Variants in CAMTA1 observed in about 807,000 individuals in gnomAD.
CAMTA1 encodes the protein calmodulin binding transcription activator 1, also known as calmodulin-binding transcription activator 1.
Under a neutral mutation model 170.9 loss-of-function variants are expected in CAMTA1, and 27 were observed. The observed-to-expected ratio is 0.16, with a 90% CI of 0.12 to 0.22. CAMTA1 has a LOEUF of 0.22. Among genes scored for constraint, CAMTA1 ranks in the 10% least tolerant of loss-of-function variants. CAMTA1 has a pLI of 1.00. For missense variants in CAMTA1, 1,619 were observed against 2,217.2 expected, an observed-to-expected ratio of 0.73 and a Z score of 5.42; for synonymous variants, 833 against 891.5, an observed-to-expected ratio of 0.93 and a Z score of 1.17.
At chr1:7,039,565 C>T (rs551656630) in intron 3 of CAMTA1, among the ~76,000 whole-genome samples, 2 of 152,210 alleles carry the variant, frequency 1.3e-5, no homozygotes, top group East Asian at 1.9e-4. Flanking sequence ...ATTTGGAAGA[C>T]GTGTAGGTAT....
In CAMTA1 at chr1:6,932,645, C is replaced by T. The variant is rs377430094; in HGVS notation, c.234+107435C>T. ...GAGAGTTCCAGTTTCTCTACATCCGCGCCAACCCTTCCTACGGTCAGTCTT... is the reference window on the plus strand; with the variant it reads ...GAGAGTTCCAGTTTCTCTACATCCGTGCCAACCCTTCCTACGGTCAGTCTT... On this transcript the variant is annotated intron_variant, in intron 3 of 22. Coordinates refer to ENST00000303635, the MANE Select transcript of CAMTA1 (RefSeq NM_015215.4). 8.9e-4 allele frequency among the ~76,000 whole-genome samples: 136 copies of T among 152,328 alleles called. 2 individuals are homozygous for T. The South Asian group carries it at 0.025, about 29-fold the overall frequency.
At chr1:7,060,373 C>T (rs1005143857) in intron 3 of CAMTA1, among the ~76,000 whole-genome samples, 2 of 152,214 alleles carry the variant, frequency 1.3e-5, no homozygotes, top group African/African-American at 4.8e-5. Context: ...GTCCTCATCT[C>T]CTCTTCTTGT....
rs1435242424 is a variant in CAMTA1, at chr1:7,216,989, C to T, written c.303-32502C>T. On this transcript the variant is annotated intron_variant, in intron 4 of 22. Transcript: ENST00000303635. The surrounding 1 kb of genome is among the most constrained non-coding windows in gnomAD (Gnocchi z 4.0). ...ATTGCAATACTTGTTTTGTTATTTC[C>T]ATTTGCCTCATATGTCTTTGCCATC... Among the ~76,000 whole-genome samples the T allele has an allele frequency of 6.6e-6, 1 of 152,076 alleles. No individual in the cohort carries two copies. Among genetic ancestry groups the T allele is most frequent in the Non-Finnish European group, 1.5e-5 (1 of 68,028 alleles).
chr1:7,236,737 C>T (rs1316315029), intron 4 of CAMTA1, among the ~76,000 whole-genome samples: 2 of 152,250 alleles, frequency 1.3e-5, no homozygotes, highest in Non-Finnish European at 2.9e-5. Context: ...CAGCTCTTCT[C>T]ATGGTCGCAG....
rs774663649 is a variant in CAMTA1 at position 7,106,442 on chromosome 1, C to G, written c.302+15071C>G. 5.9e-5 allele frequency among the ~76,000 whole-genome samples: 9 copies of G among 152,102 alleles called. 1 individual carries two copies. Among genetic ancestry groups the G allele is most frequent in the Admixed American group, 3.3e-4 (5 of 15,264 alleles). On this transcript the variant is annotated intron_variant, in intron 4 of 22. Coordinates refer to ENST00000303635, the MANE Select transcript of CAMTA1 (RefSeq NM_015215.4). ...TTTCTTTCTCCTGTCCGGCCACTTC[C>G]CTCCACTCACGGATGAGGAAACTGA... is the stretch of plus-strand genomic sequence containing the variant.
At chr1:6,866,425 C>G (rs1451157376) in intron 3 of CAMTA1, among the ~76,000 whole-genome samples, 1 of 152,134 alleles carries the variant, frequency 6.6e-6, no homozygotes, top group East Asian at 1.9e-4. Context: ...CCTGGTATGC[C>G]TGGCTAGTAA....
intron 5 of CAMTA1, among the ~76,000 whole-genome samples, chr1:7,439,459 C>T (rs1331003387): frequency 6.6e-6 from 1 of 152,206 alleles, no homozygotes; most frequent in Admixed American, 6.5e-5. Flanking sequence ...CCACTCCTGC[C>T]TCACTGCGAC....
At chr1:7,006,137 C>T (rs950620103) in intron 3 of CAMTA1, among the ~76,000 whole-genome samples, 3 of 152,170 alleles carry the variant, frequency 2.0e-5, no homozygotes, top group African/African-American at 7.2e-5. Context: ...CTTCGTAGAC[C>T]TGCCCATAGT....
chr1:6,796,608 T>C (rs1434450394), intron 1 of CAMTA1, among the ~76,000 whole-genome samples: 3 of 152,232 alleles, frequency 2.0e-5, no homozygotes, highest in Non-Finnish European at 4.4e-5. Context: ...AATAACTTCA[T>C]TGTTTGATAC....
chr1:6,786,804 A>G (rs988276711), intron 1 of CAMTA1, among the ~76,000 whole-genome samples: 1 of 152,142 alleles, frequency 6.6e-6, no homozygotes, highest in East Asian at 1.9e-4. Flanking sequence ...GGGCGCCCCA[A>G]TAAGATGTAG....
intron 3 of CAMTA1, among the ~76,000 whole-genome samples, chr1:6,903,561 A>C (rs1677608667): frequency 6.6e-6 from 1 of 152,242 alleles, no homozygotes; most frequent in African/African-American, 2.4e-5. Flanking sequence ...TTACTGAAGC[A>C]CGAGGAAAGA....
At chr1:6,804,684 T>C (rs1284712122) in intron 1 of CAMTA1, among the ~76,000 whole-genome samples, 1 of 152,216 alleles carries the variant, frequency 6.6e-6, no homozygotes, top group Non-Finnish European at 1.5e-5. Flanking sequence ...GTATGTAGCA[T>C]GTACTGTTAC....
At chr1:7,364,916 G>C (rs988301016) in intron 5 of CAMTA1, among the ~76,000 whole-genome samples, 2 of 152,250 alleles carry the variant, frequency 1.3e-5, no homozygotes, top group Non-Finnish European at 2.9e-5. Flanking sequence ...CTGTCAAACT[G>C]CTTTCTCAGA....
chr1:7,043,481 A>C (rs1197649384), intron 3 of CAMTA1, among the ~76,000 whole-genome samples: 2 of 152,200 alleles, frequency 1.3e-5, no homozygotes, highest in Non-Finnish European at 2.9e-5. Flanking sequence ...CGGGTGCTTA[A>C]AAGCACAGGG....
chr1:7,009,383 G>T (rs960123477), intron 3 of CAMTA1, among the ~76,000 whole-genome samples: 1 of 152,194 alleles, frequency 6.6e-6, no homozygotes, highest in Non-Finnish European at 1.5e-5. Context: ...TCCTCCTGGG[G>T]CAGTGTGGTT....
rs1341268901 is a variant in CAMTA1 at position 7,041,579 on chromosome 1, G to A, written c.235-49725G>A. On this transcript the variant is annotated intron_variant, in intron 3 of 22. Transcript: ENST00000303635. The surrounding 1 kb of genome is among the most constrained non-coding windows in gnomAD (Gnocchi z 5.1). Reference sequence around the variant, plus strand: ...GCTGAAAAGACAGTTCTGTAGAAATGTGAAACATTATTATGTTATAGAATA... The same window carrying A: ...GCTGAAAAGACAGTTCTGTAGAAATATGAAACATTATTATGTTATAGAATA... Among the ~76,000 whole-genome samples, 1 of 152,212 alleles carries A rather than the reference G, an allele frequency of 6.6e-6. No individual in the cohort carries two copies. The highest frequency in any genetic ancestry group is 1.5e-5 in the Non-Finnish European group (1 of 68,038).
chr1:7,379,552 C>T (rs899219298), intron 5 of CAMTA1, among the ~76,000 whole-genome samples: 6 of 152,216 alleles, frequency 3.9e-5, no homozygotes, highest in African/African-American at 1.4e-4. Context: ...GCAGAAAAGG[C>T]TGCTGGTGTC....
chr1:7,188,503 A>G (rs755200677), intron 4 of CAMTA1, among the ~76,000 whole-genome samples: 4 of 152,170 alleles, frequency 2.6e-5, no homozygotes, highest in Non-Finnish European at 5.9e-5. Flanking sequence ...CTATTGTTAC[A>G]CTTTCTGTCT....
At chr1:7,021,655 G>A (rs780297465) in intron 3 of CAMTA1, among the ~76,000 whole-genome samples, 5 of 152,186 alleles carry the variant, frequency 3.3e-5, no homozygotes, top group African/African-American at 1.2e-4. Context: ...CCAGGCATGC[G>A]CATGTGTCAA....
Sources: allele counts gnomAD v4.1 joint callset (sites outside exome capture counted in the v4.1 genomes callset), GRCh38; gene constraint gnomAD v4.1.1; non-coding constraint Gnocchi (gnomAD v3.1); transcripts MANE v1.5; gene names NCBI Gene and HGNC (gene_info 2026-07-23, HGNC 2026-07-21).